SORCS2: variants seen among roughly 807,000 people sequenced by gnomAD.
SORCS2 encodes VPS10 domain-containing receptor SorCS2.
In SORCS2, 100 loss-of-function variants were observed where a neutral mutation model predicts 141.6. That is an observed-to-expected ratio of 0.71 (90% CI 0.60 to 0.83). The LOEUF is 0.83. Among genes scored for constraint, SORCS2 ranks in the 40% least tolerant of loss-of-function variants. SORCS2 has a pLI of 0.00. For missense variants in SORCS2, 1,646 were observed against 1,560.2 expected, an observed-to-expected ratio of 1.05 and a Z score of -0.93; for synonymous variants, 789 against 676.9, an observed-to-expected ratio of 1.17 and a Z score of -2.57.
intron 2 of SORCS2, among the ~76,000 whole-genome samples, chr4:7,458,058 T>G (rs1188159463): frequency 3.9e-5 from 6 of 152,136 alleles, no homozygotes; most frequent in Non-Finnish European, 8.8e-5. Context: ...CCTGGTTGAG[T>G]GGGTGCCCAA....
At chr4:7,613,682 G>A (rs139639411) in intron 3 of SORCS2, among the ~76,000 whole-genome samples, 21 of 152,216 alleles carry the variant, frequency 1.4e-4, no homozygotes, top group African/African-American at 4.6e-4. Flanking sequence ...CTCTCTCATC[G>A]ATTTCCTAGT....
intron 2 of SORCS2, among the ~76,000 whole-genome samples, chr4:7,483,047 G>A (rs565976813): frequency 2.6e-5 from 4 of 152,290 alleles, no homozygotes; most frequent in Admixed American, 6.5e-5. Flanking sequence ...GAGGCCGGGC[G>A]CGGTGGCTCG....
intron 9 of SORCS2, among the ~76,000 whole-genome samples, chr4:7,681,792 G>A (rs1205532676): frequency 1.3e-5 from 2 of 152,204 alleles, no homozygotes; most frequent in African/African-American, 4.8e-5. Flanking sequence ...CTTAATAACT[G>A]TATGCCGTTA....
At chr4:7,707,306 A>G (rs1725534336) in intron 14 of SORCS2, among the ~76,000 whole-genome samples, 1 of 152,182 alleles carries the variant, frequency 6.6e-6, no homozygotes, top group Admixed American at 6.5e-5. Flanking sequence ...CCTCACACTC[A>G]GAGGACACCT....
At chr4:7,411,448 C>T (rs1725302085) in intron 2 of SORCS2, among the ~76,000 whole-genome samples, 1 of 152,048 alleles carries the variant, frequency 6.6e-6, no homozygotes, top group Non-Finnish European at 1.5e-5. Flanking sequence ...ACCATCAATG[C>T]TTTCTTCCTT....
intron 3 of SORCS2, among the ~76,000 whole-genome samples, chr4:7,585,073 G>T (rs373193520): frequency 2.6e-5 from 4 of 152,196 alleles, no homozygotes; most frequent in African/African-American, 9.7e-5. Flanking sequence ...CTCAGAAATT[G>T]CTCTGTTGAT....
chr4:7,647,023 G>A lies in SORCS2; in HGVS notation c.814-7111G>A, dbSNP rs117175652. Reference sequence around the variant, plus strand: ...CCTCGTCTGTCAGGCCGGGAGACCCGGACTCTTACCTGTGGAGATGTGGAG... The same window carrying A: ...CCTCGTCTGTCAGGCCGGGAGACCCAGACTCTTACCTGTGGAGATGTGGAG... On this transcript the variant is annotated intron_variant, in intron 4 of 26. Transcript: ENST00000507866. 1.6e-4 allele frequency among the ~76,000 whole-genome samples: 25 copies of A among 152,252 alleles called. No homozygotes were observed. The East Asian group carries it at 4.3e-3, about 26-fold the overall frequency.
intron 1 of SORCS2, among the ~76,000 whole-genome samples, chr4:7,313,683 C>T (rs909978390): frequency 3.8e-4 from 58 of 152,304 alleles, no homozygotes; most frequent in African/African-American, 1.0e-3. Context: ...GCCGCACTGC[C>T]GGCTTCACTG....
At chr4:7,548,425 T>C (rs1713433104) in intron 3 of SORCS2, among the ~76,000 whole-genome samples, 1 of 152,140 alleles carries the variant, frequency 6.6e-6, no homozygotes, top group African/African-American at 2.4e-5. Context: ...TGGAGCTCAC[T>C]AATGAGAGCC....
intron 2 of SORCS2, among the ~76,000 whole-genome samples, chr4:7,487,614 G>C (rs890423995): frequency 2.1e-4 from 32 of 152,204 alleles, no homozygotes; most frequent in African/African-American, 7.2e-4. Context: ...GGGATCACCA[G>C]CCTGCAGGGC....
At chr4:7,327,189 C>T (rs1240919994) in intron 1 of SORCS2, among the ~76,000 whole-genome samples, 1 of 152,260 alleles carries the variant, frequency 6.6e-6, no homozygotes, top group African/African-American at 2.4e-5. Flanking sequence ...AATGCATCCT[C>T]TTCCTGTTCT....
At chr4:7,549,592 T>C (rs913514977) in intron 3 of SORCS2, among the ~76,000 whole-genome samples, 2 of 152,202 alleles carry the variant, frequency 1.3e-5, no homozygotes, top group Admixed American at 6.5e-5. Context: ...TGTGTTCTTA[T>C]TGGGACATGG....
At chr4:7,388,294 C>G (rs1250846724) in intron 1 of SORCS2, among the ~76,000 whole-genome samples, 2 of 152,174 alleles carry the variant, frequency 1.3e-5, no homozygotes, top group Admixed American at 1.3e-4. Flanking sequence ...AGCCTGAATC[C>G]CCTCTGGCTG....
rs757543635 is a variant in SORCS2 at position 7,740,154 on chromosome 4, G to T, written c.3416-46G>T. The T allele has an allele frequency of 5.2e-6, 8 of 1,551,754 alleles. No individual in the cohort carries two copies. The Middle Eastern group carries it at 6.7e-4, about 130-fold the overall frequency. On this transcript the variant is annotated intron_variant, in intron 26 of 26. Transcript: ENST00000507866. ...CGTGTCCCCTGTGGCCCTGTCTCCA[G>T]TCCCGGGCTTGTGCTCACGGGACCT...
chr4:7,442,911 C>G (rs1036792685), intron 2 of SORCS2, among the ~76,000 whole-genome samples: 42 of 152,064 alleles, frequency 2.8e-4, no homozygotes, highest in Non-Finnish European at 4.4e-4. Flanking sequence ...CGTGCTCCCT[C>G]CGAAGGCTGC....
intron 5 of SORCS2, among the ~76,000 whole-genome samples, chr4:7,657,615 G>C (rs1480914594): frequency 7.0e-6 from 1 of 143,854 alleles, no homozygotes; most frequent in African/African-American, 2.9e-5. Flanking sequence ...GTGGGTGAGT[G>C]AGTCACTGAA....
Position 7,278,859 on chromosome 4 carries a change from G to A in SORCS2, c.480+85733G>A, listed in dbSNP as rs1005569401. ...CTTACCCAGAAGGGATCTGACACAG[G>A]AATGACATGCTCTCTTAGAGCTTAG... is the stretch of plus-strand genomic sequence containing the variant. On this transcript the variant is annotated intron_variant, in intron 1 of 26. Transcript: ENST00000507866. Among the ~76,000 whole-genome samples, 7 of 152,230 alleles carry A rather than the reference G, an allele frequency of 4.6e-5. 1 individual carries two copies. The South Asian group carries it at 1.2e-3, about 27-fold the overall frequency.
intron 1 of SORCS2, among the ~76,000 whole-genome samples, chr4:7,242,157 A>G (rs947032766): frequency 6.6e-6 from 1 of 152,168 alleles, no homozygotes; most frequent in Non-Finnish European, 1.5e-5. Context: ...CGGCTGCGTG[A>G]GAGTCACATG....
intron 2 of SORCS2, among the ~76,000 whole-genome samples, chr4:7,484,235 G>A (rs76035833): frequency 0.014 from 2,206 of 152,316 alleles, 24 homozygotes; most frequent in South Asian, 0.026. Flanking sequence ...GAGTCTGAAC[G>A]TATTTTCCGA....
Sources: allele counts gnomAD v4.1 joint callset (sites outside exome capture counted in the v4.1 genomes callset), GRCh38; gene constraint gnomAD v4.1.1; transcripts MANE v1.5; gene names NCBI Gene and HGNC (gene_info 2026-07-23, HGNC 2026-07-21).